ANK3: variants seen among roughly 807,000 people sequenced by gnomAD.
The protein encoded by ANK3 is ankyrin 3.
A neutral mutation model predicts 370.9 loss-of-function variants in ANK3; 57 were observed. That is an observed-to-expected ratio of 0.15 (90% confidence interval 0.12 to 0.19). The LOEUF (loss-of-function observed/expected upper bound fraction) is 0.19, where lower values mean the gene tolerates loss of function less well. ANK3 is among the 10% of genes least tolerant of loss of function. The pLI, the probability that ANK3 is intolerant of heterozygous loss-of-function variation, is 1.00. For synonymous variants in ANK3, 1,929 were observed against 1,946.3 expected, an observed-to-expected ratio of 0.99 and a Z score of 0.23; for missense variants, 4,439 against 5,302.1, an observed-to-expected ratio of 0.84 and a Z score of 5.06.
chr10:60,175,583 G>T (rs1225222557), intron 18 of ANK3, among the ~76,000 whole-genome samples: 5 of 152,144 alleles, frequency 3.3e-5, no homozygotes, highest in Non-Finnish European at 7.4e-5. Context: ...GGCAACACTG[G>T]ATAGAGCTCA....
chr10:60,710,074 C>T (rs556524878), intron 1 of ANK3, among the ~76,000 whole-genome samples: 14 of 152,182 alleles, frequency 9.2e-5, no homozygotes, highest in African/African-American at 3.1e-4. Context: ...TCACTAGTGG[C>T]CCTTTGTATG....
At chr10:60,499,854 G>C (rs2075753631) in intron 2 of ANK3, among the ~76,000 whole-genome samples, 2 of 152,126 alleles carry the variant, frequency 1.3e-5, no homozygotes, top group African/African-American at 4.8e-5. Context: ...GCTTCACTGA[G>C]TATCAACACC....
intron 25 of ANK3, among the ~76,000 whole-genome samples, chr10:60,118,237 A>G (rs2093240253): frequency 6.6e-6 from 1 of 152,226 alleles, no homozygotes; most frequent in Non-Finnish European, 1.5e-5. Context: ...GGTAATAATA[A>G]AATCTAAATT....
chr10:60,254,463 C>T (rs779413617), intron 7 of ANK3, among the ~76,000 whole-genome samples: 4 of 152,190 alleles, frequency 2.6e-5, no homozygotes, highest in Non-Finnish European at 5.9e-5. Context: ...TAGCTGATGT[C>T]CTTTCTAGCA....
At chr10:60,238,712 G>T (rs1486815948) in intron 7 of ANK3, among the ~76,000 whole-genome samples, 1 of 152,042 alleles carries the variant, frequency 6.6e-6, no homozygotes, top group Non-Finnish European at 1.5e-5. Context: ...GAAAGCAATG[G>T]CAGCCTTCCA....
intron 1 of ANK3, chr10:60,300,664 G>C: frequency 4.7e-6 from 3 of 636,892 alleles, no homozygotes; most frequent in Non-Finnish European, 5.9e-6. Flanking sequence ...GCAATCAGCT[G>C]GGGATTGTAC....
chr10:60,560,004 C>A (rs2077297405), intron 2 of ANK3, among the ~76,000 whole-genome samples: 5 of 152,030 alleles, frequency 3.3e-5, no homozygotes. Context: ...AATCACGCCA[C>A]TGCACTCCAG....
chr10:60,207,495 T>C (rs2096783127), intron 10 of ANK3, among the ~76,000 whole-genome samples: 1 of 152,296 alleles, frequency 6.6e-6, no homozygotes, highest in South Asian at 2.1e-4. Context: ...AAAACCAAAG[T>C]ACAGCATAGC....
chr10:60,226,521 TA>T (rs2097155306), intron 8 of ANK3, among the ~76,000 whole-genome samples: 1 of 87,162 alleles, frequency 1.1e-5, no homozygotes, highest in South Asian at 3.0e-4. Flanking sequence ...ATAGTATATA[TA>T]CTATAGTATA....
intron 1 of ANK3, among the ~76,000 whole-genome samples, chr10:60,655,109 T>C (rs1385078840): frequency 6.6e-6 from 1 of 152,166 alleles, no homozygotes; most frequent in African/African-American, 2.4e-5. Flanking sequence ...ACAGTACATA[T>C]TACCTGATAA....
In ANK3 at chr10:60,072,375, G is replaced by A. The variant is rs199656517; in HGVS notation, c.8506C>T (p.His2836Tyr). The A allele has an allele frequency of 6.2e-7, 1 of 1,613,928 alleles. No homozygotes were observed. Among genetic ancestry groups the A allele is most frequent in the East Asian group, 2.2e-5 (1 of 44,880 alleles). The change falls in exon 37 of 44, where the codon CAT becomes TAT. Residue 2836 changes from histidine to tyrosine, a missense_variant. Physicochemically the swap from His to Tyr is moderately conservative, Grantham distance 83. Coordinates refer to ENST00000280772, the MANE Select transcript of ANK3 (RefSeq NM_020987.5). The part of the protein sequence containing the change: ...SEQQAKDLAC[H>Y]ITSDLATRGP... Reference sequence around the variant, plus strand: ...CTAGTTGCTAAATCTGAGGTTATATGACATGCCAAGTCTTTAGCCTGCTGC... The same window carrying A: ...CTAGTTGCTAAATCTGAGGTTATATAACATGCCAAGTCTTTAGCCTGCTGC...
intron 1 of ANK3, among the ~76,000 whole-genome samples, chr10:60,654,291 C>CAT (rs2078833053): frequency 6.6e-6 from 1 of 152,030 alleles, no homozygotes; most frequent in Non-Finnish European, 1.5e-5. Context: ...CCAATTTGTA[C>CAT]ATATTTTATT....
At chr10:60,214,568 G>C (rs892865816) in intron 8 of ANK3, among the ~76,000 whole-genome samples, 4 of 152,092 alleles carry the variant, frequency 2.6e-5, no homozygotes, top group Middle Eastern at 3.4e-3. Context: ...ATGTCCATGT[G>C]TTCTCATTGT....
At chr10:60,525,316 C>A (rs1302677219) in intron 2 of ANK3, among the ~76,000 whole-genome samples, 1 of 152,106 alleles carries the variant, frequency 6.6e-6, no homozygotes, top group African/African-American at 2.4e-5. Context: ...ATAGTCACAG[C>A]TGTCCTTCAG....
At chr10:60,102,856 A>G (rs2091512922) in intron 28 of ANK3, among the ~76,000 whole-genome samples, 1 of 152,230 alleles carries the variant, frequency 6.6e-6, no homozygotes, top group African/African-American at 2.4e-5. Flanking sequence ...GTAAACATTT[A>G]TAACAAGACA....
At chr10:60,367,237 G>A (rs942782533) in intron 1 of ANK3, among the ~76,000 whole-genome samples, 8 of 152,276 alleles carry the variant, frequency 5.3e-5, no homozygotes, top group Admixed American at 1.3e-4. Context: ...GGAGCTTGGC[G>A]TGACATCTGA....
At chr10:60,579,349 A>AAAAAT (rs2077721409) in intron 2 of ANK3, among the ~76,000 whole-genome samples, 2 of 147,430 alleles carry the variant, frequency 1.4e-5, no homozygotes, top group African/African-American at 4.9e-5. Flanking sequence ...AAAAAAAAAA[A>AAAAAT]AGATATTTCT....
rs1453165004 is a variant in ANK3, at chr10:60,106,078, T to C, written c.3174-19A>G. ...GACAGGGCTGGAAAAAAAATCCACA[T>C]TATTTTGGTATCAAATTAAATATAT... On this transcript the variant is annotated intron_variant, in intron 27 of 43. Coordinates refer to ENST00000280772, the MANE Select transcript of ANK3 (RefSeq NM_020987.5). 4 of 1,588,820 alleles carry C rather than the reference T, an allele frequency of 2.5e-6. No individual in the cohort carries two copies. Among genetic ancestry groups the C allele is most frequent in the Non-Finnish European group, 3.4e-6 (4 of 1,170,162 alleles).
At chr10:60,633,562 G>A (rs2133342530) in intron 1 of ANK3, among the ~76,000 whole-genome samples, 1 of 152,196 alleles carries the variant, frequency 6.6e-6, no homozygotes, top group Admixed American at 6.5e-5. Flanking sequence ...CTAAACAAAT[G>A]TATAGATTTG....
Sources: gnomAD v4.1 joint callset for allele counts (sites outside exome capture counted in the v4.1 genomes callset) on GRCh38, gnomAD v4.1.1 for gene constraint, MANE v1.5 for transcripts, NCBI Gene and HGNC (gene_info 2026-07-23, HGNC 2026-07-21) for gene names.